Variants in CXorf38 observed in about 807,000 individuals in gnomAD.
The protein encoded by CXorf38 is uncharacterized protein CXorf38.
CXorf38 carries 13 observed loss-of-function variants against 27.5 expected under a neutral mutation model. The observed-to-expected ratio is 0.47, with a 90% CI of 0.31 to 0.75. The LOEUF is 0.75. Ranked by LOEUF, CXorf38 falls within the 30% of genes least tolerant of loss-of-function variation. The pLI, the probability that CXorf38 is intolerant of heterozygous loss-of-function variation, is 0.05. For synonymous variants in CXorf38, 100 were observed against 99.8 expected, an observed-to-expected ratio of 1.00 and a Z score of -0.01; for missense variants, 240 against 253.2, an observed-to-expected ratio of 0.95 and a Z score of 0.35.
Position 40,630,760 on chromosome X carries a change from A to C in CXorf38, c.815T>G (p.Leu272Arg). 1 of 1,209,350 alleles carries C rather than the reference A, an allele frequency of 8.3e-7. No individual in the cohort carries two copies. Among genetic ancestry groups the C allele is most frequent in the African/African-American group, 1.7e-5 (1 of 57,646 alleles). ...EVLPEELSNR[L>R]EVVKEFLRNN... Reference sequence around the variant, plus strand: ...TCTCAGAAATTCCTTCACCACTTCCAGTCGATTTGAGAGCTGCAAGAGGAA... The same window carrying C: ...TCTCAGAAATTCCTTCACCACTTCCCGTCGATTTGAGAGCTGCAAGAGGAA... The change falls in exon 6 of 7, where the codon CTG (leucine) becomes CGG (arginine). Residue 272 changes from leucine (L) to arginine (R), a missense_variant. Physicochemically the swap from Leu to Arg is moderately radical, Grantham distance 102. Transcript: ENST00000327877.
intron 6 of CXorf38, 25 bp from the exon 7 acceptor site, chrX:40,630,187 T>G (rs1186596798): frequency 1.8e-5 from 2 of 113,632 alleles, no homozygotes; most frequent in African/African-American, 6.5e-5. Context: ...AATGTTTTAT[T>G]TATTTTTTTT....
chrX:40,632,330 C>G (rs187267666), intron 5 of CXorf38, among the ~76,000 whole-genome samples: 35 of 111,920 alleles, frequency 3.1e-4, no homozygotes, highest in Non-Finnish European at 5.3e-4. Flanking sequence ...CCTGACCCCC[C>G]CTGCAGACTC....
intron 5 of CXorf38, among the ~76,000 whole-genome samples, chrX:40,631,299 G>T (rs1366724770): frequency 1.9e-5 from 2 of 105,881 alleles, no homozygotes; most frequent in African/African-American, 7.0e-5. Context: ...ACGTGTATGT[G>T]TGTGTGTGTA....
intron 2 of CXorf38, among the ~76,000 whole-genome samples, chrX:40,646,606 CTG>C (rs765688451): frequency 6.0e-4 from 67 of 111,425 alleles, no homozygotes; most frequent in African/African-American, 2.0e-3. Flanking sequence ...TTGGCTTACT[CTG>C]TCATCCTTAC....
chrX:40,646,700 T>C (rs948099211), intron 2 of CXorf38, among the ~76,000 whole-genome samples: 1 of 111,342 alleles, frequency 9.0e-6, no homozygotes, highest in Admixed American at 9.5e-5. Context: ...TCTCCCTCCC[T>C]CCCTGCCTGT....
At chrX:40,634,658 A>G (rs1927981784) in intron 5 of CXorf38, among the ~76,000 whole-genome samples, 1 of 112,193 alleles carries the variant, frequency 8.9e-6, no homozygotes, top group Admixed American at 9.5e-5. Flanking sequence ...GACTTTGGCA[A>G]CTAACCCTAA....
Position 40,627,903 on chromosome X carries a change from G to T in CXorf38, c.*2261C>A, listed in dbSNP as rs1001638601. On this transcript the variant is annotated 3_prime_UTR_variant, in exon 7 of 7. Transcript: ENST00000327877. ...GTGGACCCTTGATAAAAGCTTCTTG[G>T]ATAGATAGGCAGAAACTAACTAGAC... 8.9e-6 allele frequency: 1 copy of T among 112,049 alleles called. No individual in the cohort carries two copies. The highest frequency in any genetic ancestry group is 1.9e-5 in the Non-Finnish European group (1 of 53,217). The allele number at this position is 112,049 out of a possible 1,213,427, so 9.2% of individuals were successfully genotyped here.
chrX:40,647,193 G>C (rs1928632897), intron 1 of CXorf38, 52 bp from the exon 2 acceptor site: 1 of 1,199,258 alleles, frequency 8.3e-7, no homozygotes, highest in African/African-American at 1.8e-5. Context: ...CGTCGCGGTG[G>C]GCCCCGCATC....
chrX:40,634,364 C>T (rs1360592531), intron 5 of CXorf38, among the ~76,000 whole-genome samples: 1 of 111,932 alleles, frequency 8.9e-6, no homozygotes, highest in African/African-American at 3.3e-5. Flanking sequence ...AGCCACTGCA[C>T]CTCGCCTTCA....
At chrX:40,631,295 A>G (rs28575735) in intron 5 of CXorf38, among the ~76,000 whole-genome samples, 11 of 97,616 alleles carry the variant, frequency 1.1e-4, no homozygotes, top group Non-Finnish European at 1.9e-4. Context: ...ACACACGTGT[A>G]TGTGTGTGTG....
chrX:40,633,959 T>C, intron 5 of CXorf38, among the ~76,000 whole-genome samples: 1 of 110,913 alleles, frequency 9.0e-6, no homozygotes, highest in Non-Finnish European at 1.9e-5. Context: ...AAACTCCACA[T>C]GTGTTACAAG....
intron 3 of CXorf38, among the ~76,000 whole-genome samples, chrX:40,638,637 T>C (rs763863708): frequency 8.9e-6 from 1 of 112,253 alleles, no homozygotes; most frequent in Admixed American, 9.4e-5. Context: ...CAATGTTCTG[T>C]ATTTTTTTTA....
rs966688069 is a variant in CXorf38 at position 40,627,960 on chromosome X, A to C, written c.*2204T>G. On this transcript the variant is annotated 3_prime_UTR_variant, in exon 7 of 7. Coordinates refer to ENST00000327877, the MANE Select transcript of CXorf38 (RefSeq NM_144970.3). ...ATAAAATGGAAGCGTTCATAACCCA[A>C]AGTTCCTAAAATTAGAAGTCAGATC... The C allele has an allele frequency of 8.9e-6, 1 of 112,174 alleles. No homozygotes were observed. Among genetic ancestry groups the C allele is most frequent in the African/African-American group, 3.2e-5 (1 of 30,839 alleles). The allele number at this position is 112,174 out of a possible 1,213,427, so 9.2% of individuals were successfully genotyped here. A position where few individuals can be genotyped will look rare whatever the true frequency, so the allele number is the denominator to read the frequency against.
At chrX:40,645,881 G>A (rs1269362101) in intron 2 of CXorf38, among the ~76,000 whole-genome samples, 9 of 105,739 alleles carry the variant, frequency 8.5e-5, no homozygotes. Context: ...GCCTCCCAAA[G>A]TGCTGGGATT....
intron 5 of CXorf38, among the ~76,000 whole-genome samples, chrX:40,634,368 G>A (rs999119770): frequency 9.8e-5 from 11 of 111,710 alleles, no homozygotes; most frequent in African/African-American, 3.6e-4. Flanking sequence ...ACTGCACCTC[G>A]CCTTCACCCC....
intron 2 of CXorf38, among the ~76,000 whole-genome samples, chrX:40,644,175 TTTAA>T (rs1247096154): frequency 3.6e-5 from 4 of 112,266 alleles, no homozygotes; most frequent in South Asian, 3.6e-4. Context: ...GTGGTAACTG[TTTAA>T]TTGTTTCTTT....
chrX:40,632,267 C>T (rs555308239), intron 5 of CXorf38, among the ~76,000 whole-genome samples: 13 of 111,765 alleles, frequency 1.2e-4, no homozygotes, highest in African/African-American at 3.9e-4. Context: ...TCCACTTGAG[C>T]GGAGACTTTC....
chrX:40,636,738 G>A (rs1341293887), intron 4 of CXorf38, 26 bp from the exon 5 acceptor site: 1 of 1,143,941 alleles, frequency 8.7e-7, no homozygotes, highest in Non-Finnish European at 1.2e-6. Flanking sequence ...ACAAATATAT[G>A]AACTGATTTC....
chrX:40,635,938 A>G (rs964110678), intron 5 of CXorf38, among the ~76,000 whole-genome samples: 7 of 112,374 alleles, frequency 6.2e-5, no homozygotes, highest in Non-Finnish European at 1.1e-4. Flanking sequence ...TCTAAAAGCT[A>G]TATCTGATCC....
Sources: gnomAD v4.1 joint callset for allele counts (sites outside exome capture counted in the v4.1 genomes callset) on GRCh38, gnomAD v4.1.1 for gene constraint, MANE v1.5 for transcripts, NCBI Gene and HGNC (gene_info 2026-07-23, HGNC 2026-07-21) for gene names.